Variants in ZNF521 observed in about 807,000 individuals in gnomAD.
ZNF521 encodes zinc finger protein 521, also known as LYST-interacting protein 3.
Under a neutral mutation model 105.5 loss-of-function variants are expected in ZNF521, and 14 were observed. The observed-to-expected ratio is 0.13, with a 90% CI of 0.09 to 0.21. The LOEUF is 0.21. ZNF521 is among the 10% of genes least tolerant of loss of function. The pLI is 1.00. For synonymous variants in ZNF521, 635 were observed against 606.0 expected, an observed-to-expected ratio of 1.05 and a Z score of -0.70; for missense variants, 1,233 against 1,629.7, an observed-to-expected ratio of 0.76 and a Z score of 4.19.
intron 4 of ZNF521, among the ~76,000 whole-genome samples, chr18:25,208,428 A>C (rs1244296300): frequency 6.6e-6 from 1 of 152,202 alleles, no homozygotes; most frequent in African/African-American, 2.4e-5. Flanking sequence ...TGCTAAAAGA[A>C]TCTGTTTTCC....
At chr18:25,300,483 C>T (rs1911575604) in intron 3 of ZNF521, among the ~76,000 whole-genome samples, 1 of 152,080 alleles carries the variant, frequency 6.6e-6, no homozygotes, top group Admixed American at 6.5e-5. Flanking sequence ...AGTGTATAAA[C>T]AAGAGAACAG....
At chr18:25,096,185 T>C (rs1405918198) in intron 5 of ZNF521, among the ~76,000 whole-genome samples, 2 of 152,174 alleles carry the variant, frequency 1.3e-5, no homozygotes, top group Non-Finnish European at 2.9e-5. Context: ...AATGTAAATA[T>C]TTACTCCAAT....
intron 5 of ZNF521, among the ~76,000 whole-genome samples, chr18:25,184,637 G>A (rs2035689807): frequency 6.6e-6 from 1 of 152,168 alleles, no homozygotes; most frequent in Non-Finnish European, 1.5e-5. Context: ...AGTGTGTGTG[G>A]TTGAATAGCG....
chr18:25,117,104 T>C (rs1316943840), intron 5 of ZNF521, among the ~76,000 whole-genome samples: 1 of 139,372 alleles, frequency 7.2e-6, no homozygotes, highest in Non-Finnish European at 1.6e-5. Flanking sequence ...CTTAATTAGA[T>C]TGCTTCCAGT....
chr18:25,278,920 T>C (rs141966516), intron 3 of ZNF521, among the ~76,000 whole-genome samples: 1,721 of 152,348 alleles, frequency 0.011, 15 homozygotes, highest in Non-Finnish European at 0.017. Context: ...TTATTAACTT[T>C]TGGTTATCTT....
intron 7 of ZNF521, among the ~76,000 whole-genome samples, chr18:25,071,181 A>G (rs2033212759): frequency 1.3e-5 from 2 of 152,242 alleles, no homozygotes; most frequent in Admixed American, 1.3e-4. Flanking sequence ...GGACACATAT[A>G]CCACATGAGA....
At chr18:25,088,781 T>C (rs750269121) in intron 7 of ZNF521, among the ~76,000 whole-genome samples, 2 of 152,206 alleles carry the variant, frequency 1.3e-5, no homozygotes, top group Non-Finnish European at 2.9e-5. Flanking sequence ...AATCTTCCTA[T>C]GTTTATATCT....
At chr18:25,135,211 G>A (rs1208962992) in intron 5 of ZNF521, among the ~76,000 whole-genome samples, 1 of 152,036 alleles carries the variant, frequency 6.6e-6, no homozygotes, top group Non-Finnish European at 1.5e-5. Flanking sequence ...GGAAAGAAAA[G>A]AGAAACATTT....
chr18:25,155,212 C>A (rs1321191175), intron 5 of ZNF521, among the ~76,000 whole-genome samples: 1 of 152,124 alleles, frequency 6.6e-6, no homozygotes, highest in Non-Finnish European at 1.5e-5. Flanking sequence ...CAAGTCCTGT[C>A]ATCTATTCAA....
intron 5 of ZNF521, among the ~76,000 whole-genome samples, chr18:25,097,233 C>T (rs1179853110): frequency 6.6e-6 from 1 of 152,128 alleles, no homozygotes; most frequent in Non-Finnish European, 1.5e-5. Context: ...ACATTCTTTC[C>T]AGGGCCATAG....
At chr18:25,214,176 T>C (rs993658248) in intron 4 of ZNF521, among the ~76,000 whole-genome samples, 1 of 152,142 alleles carries the variant, frequency 6.6e-6, no homozygotes, top group Non-Finnish European at 1.5e-5. Flanking sequence ...AGATTAGTTT[T>C]GTCCATTCTT....
chr18:25,109,260 T>C (rs1232651502), intron 5 of ZNF521, among the ~76,000 whole-genome samples: 2 of 152,218 alleles, frequency 1.3e-5, no homozygotes, highest in East Asian at 1.9e-4. Context: ...TCCAGCTCTA[T>C]CCATGTTGCT....
At chr18:25,125,267 T>C (rs112421410) in intron 5 of ZNF521, among the ~76,000 whole-genome samples, 1 of 152,174 alleles carries the variant, frequency 6.6e-6, no homozygotes, top group South Asian at 2.1e-4. Flanking sequence ...ATTAGTCTTA[T>C]ATTTATCTAA....
At chr18:25,262,619 G>T (rs534051858) in intron 3 of ZNF521, among the ~76,000 whole-genome samples, 1 of 152,252 alleles carries the variant, frequency 6.6e-6, no homozygotes, top group Non-Finnish European at 1.5e-5. Context: ...GGTAAGAAAA[G>T]CAATAAACAA....
At chr18:25,064,753 G>T (rs1567945016) in intron 7 of ZNF521, among the ~76,000 whole-genome samples, 1 of 152,168 alleles carries the variant, frequency 6.6e-6, no homozygotes, top group East Asian at 1.9e-4. Context: ...GTTGGCGGGG[G>T]GCTGGGAGCC....
intron 3 of ZNF521, among the ~76,000 whole-genome samples, chr18:25,290,814 A>G (rs1910974020): frequency 6.6e-6 from 1 of 151,950 alleles, no homozygotes; most frequent in African/African-American, 2.4e-5. Context: ...CCAGCCACCC[A>G]AAGTGCTGGG....
At chr18:25,110,402 T>C (rs991947856) in intron 5 of ZNF521, among the ~76,000 whole-genome samples, 1 of 151,850 alleles carries the variant, frequency 6.6e-6, no homozygotes, top group Admixed American at 6.6e-5. Flanking sequence ...TTTTATATGG[T>C]TTTTGTTGTT....
intron 3 of ZNF521, among the ~76,000 whole-genome samples, chr18:25,265,450 T>G (rs1909182609): frequency 6.6e-6 from 1 of 152,192 alleles, no homozygotes; most frequent in Admixed American, 6.5e-5. Context: ...CCCCCTGATA[T>G]CAGAACCCTC....
At chr18:25,313,760 G>A (rs1242842354) in intron 3 of ZNF521, among the ~76,000 whole-genome samples, 2 of 152,028 alleles carry the variant, frequency 1.3e-5, no homozygotes, top group East Asian at 1.9e-4. Flanking sequence ...TGTATGTAAT[G>A]TATTAGTAAA....
Sources: allele counts gnomAD v4.1 joint callset (sites outside exome capture counted in the v4.1 genomes callset), GRCh38; gene constraint gnomAD v4.1.1; transcripts MANE v1.5; gene names NCBI Gene and HGNC (gene_info 2026-07-23, HGNC 2026-07-21).